SLC24A3: variants seen among roughly 807,000 people sequenced by gnomAD.
SLC24A3 encodes solute carrier family 24 member 3.
SLC24A3 carries 28 observed loss-of-function variants against 75.8 expected under a neutral mutation model. The ratio of observed to expected loss-of-function variants is 0.37; its 90% CI spans 0.27 to 0.51. SLC24A3 has a LOEUF of 0.51. Among genes scored for constraint, SLC24A3 ranks in the 20% least tolerant of loss-of-function variants. SLC24A3 has a pLI of 0.94. For missense variants in SLC24A3, 663 were observed against 847.8 expected (o/e 0.78, Z 2.71); for synonymous variants, 372 against 334.1 (o/e 1.11, Z -1.24).
intron 3 of SLC24A3, among the ~76,000 whole-genome samples, chr20:19,525,779 A>C (rs555420868): frequency 1.8e-4 from 27 of 152,254 alleles, no homozygotes; most frequent in African/African-American, 5.5e-4. Context: ...AGAGGGGTAG[A>C]CTTGCACCTG....
chr20:19,349,946 T>C (rs1052262054), intron 2 of SLC24A3, among the ~76,000 whole-genome samples: 2 of 152,206 alleles, frequency 1.3e-5, no homozygotes, highest in African/African-American at 4.8e-5. Context: ...GAAATTATTG[T>C]TTCACTCATG....
intron 3 of SLC24A3, among the ~76,000 whole-genome samples, chr20:19,541,232 G>C (rs2030490450): frequency 1.3e-5 from 2 of 152,232 alleles, no homozygotes; most frequent in Admixed American, 6.5e-5. Flanking sequence ...AGTCTTAATA[G>C]TAATGGTAAT....
intron 2 of SLC24A3, among the ~76,000 whole-genome samples, chr20:19,292,526 C>T (rs755459937): frequency 3.3e-5 from 5 of 152,164 alleles, no homozygotes; most frequent in Admixed American, 6.5e-5. Flanking sequence ...TTCTGGGGAA[C>T]GGGAATTCCA....
At chr20:19,665,831 G>A in intron 7 of SLC24A3, 33 bp from the exon 8 acceptor site, 1 of 1,404,784 alleles carries the variant, frequency 7.1e-7, no homozygotes, top group Non-Finnish European at 9.8e-7. Context: ...GTGTGTGTGT[G>A]TCTAATCTTC....
intron 2 of SLC24A3, among the ~76,000 whole-genome samples, chr20:19,309,352 T>A (rs1379564696): frequency 1.3e-5 from 2 of 152,218 alleles, no homozygotes; most frequent in Non-Finnish European, 2.9e-5. Context: ...TACCAGTTCA[T>A]TAAATTAGCT....
intron 6 of SLC24A3, among the ~76,000 whole-genome samples, chr20:19,628,122 T>A (rs2031887704): frequency 6.9e-6 from 1 of 144,118 alleles, no homozygotes; most frequent in Non-Finnish European, 1.5e-5. Flanking sequence ...GAGAATCGCT[T>A]GAACCCAGGA....
At chr20:19,244,470 G>A (rs1412717112) in intron 1 of SLC24A3, among the ~76,000 whole-genome samples, 4 of 152,188 alleles carry the variant, frequency 2.6e-5, no homozygotes, top group African/African-American at 9.7e-5. Context: ...GCGAGGTGGA[G>A]GGGAGAATTT....
chr20:19,618,266 G>A (rs572386541), intron 6 of SLC24A3, among the ~76,000 whole-genome samples: 1 of 152,306 alleles, frequency 6.6e-6, no homozygotes, highest in South Asian at 2.1e-4. Flanking sequence ...GCACAGCAGA[G>A]TGGGTGGCTT....
chr20:19,509,120 C>T (rs934657500), intron 2 of SLC24A3, among the ~76,000 whole-genome samples: 1 of 152,174 alleles, frequency 6.6e-6, no homozygotes, highest in Non-Finnish European at 1.5e-5. Flanking sequence ...CATTCACTAT[C>T]TACACTCTTC....
Position 19,587,016 on chromosome 20 carries a change from C to G in SLC24A3, c.612+1472C>G, listed in dbSNP as rs375887290. On this transcript the variant is annotated intron_variant, in intron 6 of 16. Transcript: ENST00000328041. The stretch of plus-strand genomic sequence containing the variant: ...TTTGGTGCTATTTGCACTTCCCTGG[C>G]TCTCCTTTGCCTTGGACACCTGCTT... 3.9e-5 allele frequency among the ~76,000 whole-genome samples: 6 copies of G among 152,316 alleles called. No individual in the cohort carries two copies. In the East Asian group the frequency reaches 5.8e-4, roughly 15 times the overall value.
intron 2 of SLC24A3, among the ~76,000 whole-genome samples, chr20:19,498,594 C>T (rs1327767607): frequency 1.3e-5 from 2 of 152,210 alleles, no homozygotes; most frequent in Non-Finnish European, 2.9e-5. Context: ...ACTTCCCACT[C>T]ACTGTCTGAT....
chr20:19,702,463 A>C (rs2032884921), intron 15 of SLC24A3, among the ~76,000 whole-genome samples: 1 of 152,168 alleles, frequency 6.6e-6, no homozygotes, highest in South Asian at 2.1e-4. Context: ...CCTTGAAGTC[A>C]AGGGGGAAAT....
In SLC24A3 at chr20:19,390,246, T is replaced by G. The variant is rs564620454; in HGVS notation, c.271+109159T>G. Among the ~76,000 whole-genome samples, 3 of 152,322 alleles carry G rather than the reference T, an allele frequency of 2.0e-5. No individual in the cohort carries two copies. In the South Asian group the frequency reaches 6.2e-4, roughly 32 times the overall value. On this transcript the variant is annotated intron_variant, in intron 2 of 16. Transcript: ENST00000328041. Reference sequence around the variant, plus strand: ...TTTGAGGTCAGCTAATGTTTTTCATTTCGTTTCTTTGTTGGTGTCATGTTT... The same window carrying G: ...TTTGAGGTCAGCTAATGTTTTTCATGTCGTTTCTTTGTTGGTGTCATGTTT...
chr20:19,613,982 A>C (rs1362821653), intron 6 of SLC24A3, among the ~76,000 whole-genome samples: 2 of 152,200 alleles, frequency 1.3e-5, no homozygotes, highest in Non-Finnish European at 2.9e-5. Flanking sequence ...GACTGTTGAC[A>C]TCCTTTTAAA....
chr20:19,422,614 A>T (rs1447976184), intron 2 of SLC24A3, among the ~76,000 whole-genome samples: 1 of 152,150 alleles, frequency 6.6e-6, no homozygotes, highest in Non-Finnish European at 1.5e-5. Context: ...AAAAATACTG[A>T]TGCCTCTGTT....
intron 2 of SLC24A3, among the ~76,000 whole-genome samples, chr20:19,311,275 C>T (rs775550888): frequency 1.3e-5 from 2 of 152,138 alleles, no homozygotes; most frequent in Non-Finnish European, 2.9e-5. Context: ...TTGCAGTCAG[C>T]AACTTTTGGC....
At chr20:19,689,061 C>T (rs6106119) in intron 12 of SLC24A3, among the ~76,000 whole-genome samples, 1 of 152,100 alleles carries the variant, frequency 6.6e-6, no homozygotes, top group African/African-American at 2.4e-5. Flanking sequence ...TGAAGAAAGC[C>T]TTATTGTTGA....
intron 2 of SLC24A3, among the ~76,000 whole-genome samples, chr20:19,361,439 G>T (rs1288662238): frequency 6.6e-6 from 1 of 152,126 alleles, no homozygotes; most frequent in East Asian, 1.9e-4. Context: ...GACTGCAGAG[G>T]GAAGAAAAGG....
intron 2 of SLC24A3, among the ~76,000 whole-genome samples, chr20:19,506,403 TC>T (rs771683759): frequency 2.6e-4 from 39 of 152,326 alleles, no homozygotes; most frequent in Non-Finnish European, 4.7e-4. Flanking sequence ...GAACTTTGTT[TC>T]TGGTTTTTGA....
Sources: allele counts gnomAD v4.1 joint callset (sites outside exome capture counted in the v4.1 genomes callset), GRCh38; gene constraint gnomAD v4.1.1; transcripts MANE v1.5; gene names NCBI Gene and HGNC (gene_info 2026-07-23, HGNC 2026-07-21).